Variants in PPP2R2B observed in about 807,000 individuals in gnomAD.
PPP2R2B encodes the protein protein phosphatase 2 regulatory subunit Bbeta.
PPP2R2B carries 5 observed loss-of-function variants against 46.0 expected under a neutral mutation model. The ratio of observed to expected loss-of-function variants is 0.11; its 90% CI spans 0.06 to 0.23. The LOEUF is 0.23. Ranked by LOEUF, PPP2R2B falls within the 10% of genes least tolerant of loss-of-function variation. PPP2R2B has a pLI of 1.00. For missense variants in PPP2R2B, 367 were observed against 575.0 expected (o/e 0.64, Z 3.70); for synonymous variants, 215 against 206.7 (o/e 1.04, Z -0.34).
intron 1 of PPP2R2B, among the ~76,000 whole-genome samples, chr5:146,897,517 C>T (rs1282991866): frequency 1.3e-5 from 2 of 152,156 alleles, no homozygotes; most frequent in African/African-American, 2.4e-5. Flanking sequence ...TAATGAAACC[C>T]ACCAGTTGGT....
chr5:146,693,259 G>A (rs1277273353), intron 4 of PPP2R2B, among the ~76,000 whole-genome samples: 1 of 151,550 alleles, frequency 6.6e-6, no homozygotes, highest in Non-Finnish European at 1.5e-5. Flanking sequence ...CTGTCACCTA[G>A]GCTGGAGTGC....
chr5:146,630,924 C>T (rs1774383849), intron 7 of PPP2R2B, among the ~76,000 whole-genome samples: 1 of 152,180 alleles, frequency 6.6e-6, no homozygotes, highest in Non-Finnish European at 1.5e-5. Flanking sequence ...AGTTGAAGCA[C>T]AGAGGTTAGG....
intron 3 of PPP2R2B, among the ~76,000 whole-genome samples, 176 bp from the exon 4 acceptor site, chr5:146,698,320 ATATATATATAT>A (rs1779323074): frequency 1.3e-4 from 9 of 71,606 alleles, no homozygotes; most frequent in East Asian, 5.3e-4. Flanking sequence ...AAAAAAAAAT[ATATATATATAT>A]ATATATATAT....
At chr5:146,891,451 G>T (rs1318739273) in intron 1 of PPP2R2B, among the ~76,000 whole-genome samples, 1 of 152,146 alleles carries the variant, frequency 6.6e-6, no homozygotes, top group Non-Finnish European at 1.5e-5. Context: ...ATTCACTTGT[G>T]TAGTCTTCAC....
rs1006982067 is a variant in PPP2R2B, at chr5:146,876,652, C to T, written c.70+1350G>A. On this transcript the variant is annotated intron_variant, in intron 2 of 9. Coordinates refer to ENST00000394411, the MANE Select transcript of PPP2R2B (RefSeq NM_181675.4). ...CTCTGTATAGGGGAGGGATGGGCTG[C>T]ACATCTTAAAAGCCATCTCTAAGCT... 3.1e-4 allele frequency among the ~76,000 whole-genome samples: 47 copies of T among 152,264 alleles called. 1 individual carries two copies. Among genetic ancestry groups the T allele is most frequent in the African/African-American group, 1.1e-3 (45 of 41,558 alleles).
intron 1 of PPP2R2B, among the ~76,000 whole-genome samples, chr5:146,886,232 G>A (rs319199): frequency 0.22 from 33,104 of 151,568 alleles, 4,835 homozygotes; most frequent in African/African-American, 0.39. Flanking sequence ...CCAGTTACTC[G>A]GGAAGCTGAG....
intron 2 of PPP2R2B, among the ~76,000 whole-genome samples, chr5:146,867,533 G>A (rs1761381398): frequency 2.6e-5 from 4 of 152,118 alleles, no homozygotes; most frequent in Admixed American, 2.6e-4. Context: ...ATAGTAACAT[G>A]TTGCCTCATC....
intron 5 of PPP2R2B, 120 bp downstream of exon 5, chr5:146,691,008 C>G (rs1043869787): frequency 1.3e-6 from 1 of 765,152 alleles, no homozygotes; most frequent in Non-Finnish European, 2.1e-6. Flanking sequence ...TAGGCTGAGT[C>G]TCTGCCTACG....
chr5:146,914,696 G>A (rs1763314580), intron 1 of PPP2R2B, among the ~76,000 whole-genome samples: 1 of 152,168 alleles, frequency 6.6e-6, no homozygotes. Context: ...CACTGGCAAA[G>A]AATAAAGGTC....
At chr5:147,034,202 C>G (rs1755929167) in intron 1 of PPP2R2B, among the ~76,000 whole-genome samples, 1 of 152,130 alleles carries the variant, frequency 6.6e-6, no homozygotes, top group South Asian at 2.1e-4. Context: ...GATCCTCTCC[C>G]CTGGTTTTTG....
chr5:146,996,617 T>G (rs2151866016), intron 1 of PPP2R2B, among the ~76,000 whole-genome samples: 1 of 151,934 alleles, frequency 6.6e-6, no homozygotes, highest in East Asian at 1.9e-4. Context: ...GAAAAATGAG[T>G]TAGGAGGCTA....
At chr5:146,861,058 T>TC (rs1760962254) in intron 2 of PPP2R2B, among the ~76,000 whole-genome samples, 1 of 97,520 alleles carries the variant, frequency 1.0e-5, no homozygotes, top group African/African-American at 4.9e-5. Context: ...TTTTTTCTTT[T>TC]TTTTTTTTTT....
rs560374839 is a variant in PPP2R2B, at chr5:147,017,435, C to T, written c.79+38230G>A. Among the ~76,000 whole-genome samples, 6 of 151,546 alleles carry T rather than the reference C, an allele frequency of 4.0e-5. 1 individual carries two copies. The East Asian group carries it at 1.3e-3, about 32-fold the overall frequency. Reference sequence around the variant, plus strand: ...AGGGAGAGATTCGAGCTGGAGATAACATTTGTTATCATTAGAAAACAGAGT... The same window carrying T: ...AGGGAGAGATTCGAGCTGGAGATAATATTTGTTATCATTAGAAAACAGAGT... On this transcript the variant is annotated intron_variant, in intron 1 of 8. Coordinates refer to the PPP2R2B transcript ENST00000336640.
intron 1 of PPP2R2B, among the ~76,000 whole-genome samples, chr5:146,976,175 T>C (rs1169214086): frequency 2.0e-5 from 3 of 151,052 alleles, no homozygotes; most frequent in Non-Finnish European, 2.9e-5. Context: ...TCGTGCTCTG[T>C]CTCCCAGGCT....
At chr5:146,703,962 C>A (rs1329082905) in intron 2 of PPP2R2B, among the ~76,000 whole-genome samples, 1 of 152,176 alleles carries the variant, frequency 6.6e-6, no homozygotes, top group Non-Finnish European at 1.5e-5. Context: ...TTCTACTAGC[C>A]AGCTGCTCTG....
intron 2 of PPP2R2B, among the ~76,000 whole-genome samples, chr5:146,804,412 C>G (rs933544731): frequency 1.3e-5 from 2 of 152,074 alleles, no homozygotes; most frequent in African/African-American, 4.8e-5. Context: ...GAACCCAAGG[C>G]CATCTGTGTA....
chr5:146,889,409 C>T (rs2151427510), intron 1 of PPP2R2B, among the ~76,000 whole-genome samples: 1 of 152,240 alleles, frequency 6.6e-6, no homozygotes, highest in African/African-American at 2.4e-5. Context: ...ACACTAAGTT[C>T]AATCTTGTAT....
chr5:147,061,656 AC>A (rs1280384842), intron 2 of PPP2R2B, among the ~76,000 whole-genome samples: 4 of 152,072 alleles, frequency 2.6e-5, no homozygotes, highest in African/African-American at 9.7e-5. Flanking sequence ...TTGGCATGTG[AC>A]TAAAGCAAGA....
At position 146,721,659 on chromosome 5, in the gene PPP2R2B, A is replaced by G. The variant is rs889164233; in HGVS notation, c.71-20517T>C. Among the ~76,000 whole-genome samples the G allele has an allele frequency of 2.0e-5, 3 of 152,240 alleles. No homozygotes were observed. In the South Asian group the frequency reaches 6.2e-4, roughly 31 times the overall value. On this transcript the variant is annotated intron_variant, in intron 2 of 9. Transcript: ENST00000394411. ...CTGCCGCCCTGTGCGCTTCTTTGGC[A>G]CTTCCTTCTATGTGGAAGCTCCCAG... is the stretch of plus-strand genomic sequence containing the variant.
Sources: allele counts gnomAD v4.1 joint callset (sites outside exome capture counted in the v4.1 genomes callset), GRCh38; gene constraint gnomAD v4.1.1; transcripts MANE v1.5; gene names NCBI Gene and HGNC (gene_info 2026-07-23, HGNC 2026-07-21).